The following GRIK2 variants were observed in gnomAD, a reference collection of about 807,000 sequenced individuals.
GRIK2 encodes the protein glutamate receptor ionotropic, kainate 2.
A neutral mutation model predicts 100.3 loss-of-function variants in GRIK2; 32 were observed. That is an observed-to-expected ratio of 0.32 (90% CI 0.24 to 0.43). The LOEUF (loss-of-function observed/expected upper bound fraction) is 0.43. GRIK2 is among the 20% of genes least tolerant of loss of function. The probability of loss-of-function intolerance (pLI) is 1.00; values close to 1 mark genes in which losing one functional copy is unlikely to be tolerated. For missense variants in GRIK2, 843 were observed against 1,114.9 expected (o/e 0.76, Z 3.47); for synonymous variants, 417 against 389.4 (o/e 1.07, Z -0.83).
At chr6:101,471,296 C>G (rs892320641) in intron 2 of GRIK2, among the ~76,000 whole-genome samples, 1 of 151,976 alleles carries the variant, frequency 6.6e-6, no homozygotes, top group Non-Finnish European at 1.5e-5. Context: ...AATACTAATA[C>G]TAATCCTAAA....
At chr6:101,806,323 C>CA (rs1047988609) in intron 9 of GRIK2, among the ~76,000 whole-genome samples, 2 of 152,020 alleles carry the variant, frequency 1.3e-5, no homozygotes, top group African/African-American at 4.8e-5. Context: ...ATTCTACTTT[C>CA]AAAATATGTT....
chr6:101,638,189 T>G (rs1274829639), intron 4 of GRIK2, among the ~76,000 whole-genome samples: 1 of 150,468 alleles, frequency 6.6e-6, no homozygotes, highest in African/African-American at 2.5e-5. Flanking sequence ...TTTGTTTGTT[T>G]TATTACTTTA....
chr6:102,004,523 A>G (rs1029792024), intron 14 of GRIK2, among the ~76,000 whole-genome samples: 1 of 151,872 alleles, frequency 6.6e-6, no homozygotes, highest in African/African-American at 2.4e-5. Flanking sequence ...CTATACCTCC[A>G]CTTAAGGCCT....
At chr6:101,835,175 A>T (rs1476531152) in intron 10 of GRIK2, among the ~76,000 whole-genome samples, 1 of 152,162 alleles carries the variant, frequency 6.6e-6, no homozygotes, top group African/African-American at 2.4e-5. Flanking sequence ...TTCAATTTTC[A>T]CATTTCCTCT....
intron 11 of GRIK2, among the ~76,000 whole-genome samples, chr6:101,870,524 A>G (rs1409655106): frequency 6.6e-6 from 1 of 151,876 alleles, no homozygotes; most frequent in Non-Finnish European, 1.5e-5. Context: ...TTTTCTTGGT[A>G]TCTTTCATAG....
At chr6:101,471,296 C>T (rs892320641) in intron 2 of GRIK2, among the ~76,000 whole-genome samples, 7 of 151,976 alleles carry the variant, frequency 4.6e-5, no homozygotes, top group African/African-American at 1.7e-4. Context: ...AATACTAATA[C>T]TAATCCTAAA....
At chr6:101,709,691 A>G (rs1008058064) in intron 7 of GRIK2, among the ~76,000 whole-genome samples, 1 of 151,830 alleles carries the variant, frequency 6.6e-6, no homozygotes, top group Non-Finnish European at 1.5e-5. Flanking sequence ...AAAGAAATAG[A>G]TAGGTGTCAT....
chr6:101,867,360 AT>A (rs1023333602), intron 11 of GRIK2, among the ~76,000 whole-genome samples: 2 of 122,270 alleles, frequency 1.6e-5, no homozygotes, highest in African/African-American at 3.3e-5. Context: ...AGTATATAAC[AT>A]TTTTTAAAAG....
At chr6:101,534,054 C>A (rs1001733967) in intron 2 of GRIK2, among the ~76,000 whole-genome samples, 1 of 151,546 alleles carries the variant, frequency 6.6e-6, no homozygotes, top group Non-Finnish European at 1.5e-5. Flanking sequence ...GCAAGCAGGC[C>A]AAGATAATAC....
intron 14 of GRIK2, among the ~76,000 whole-genome samples, chr6:101,975,411 C>T (rs1156559631): frequency 1.3e-5 from 2 of 151,824 alleles, no homozygotes; most frequent in Non-Finnish European, 2.9e-5. Context: ...ATTGAGAGAG[C>T]AGCCAAATAC....
At chr6:101,906,282 A>G (rs992248953) in intron 12 of GRIK2, among the ~76,000 whole-genome samples, 2 of 151,280 alleles carry the variant, frequency 1.3e-5, no homozygotes, top group African/African-American at 2.4e-5. Flanking sequence ...TTCATTTTTG[A>G]CCCAGGGAAT....
At chr6:101,912,437 C>G (rs1190351049) in intron 12 of GRIK2, among the ~76,000 whole-genome samples, 1 of 151,454 alleles carries the variant, frequency 6.6e-6, no homozygotes, top group African/African-American at 2.4e-5. Flanking sequence ...ACGTGCAGCT[C>G]CTTAATTCAT....
chr6:101,745,648 G>GA (rs541588909), intron 7 of GRIK2, among the ~76,000 whole-genome samples: 2 of 151,664 alleles, frequency 1.3e-5, no homozygotes, highest in Non-Finnish European at 2.9e-5. Flanking sequence ...TTAAAACTAA[G>GA]AAAAAAAATT....
chr6:101,868,687 A>G (rs1210021495), intron 11 of GRIK2, among the ~76,000 whole-genome samples: 2 of 152,016 alleles, frequency 1.3e-5, no homozygotes, highest in East Asian at 1.9e-4. Flanking sequence ...ATAGCATGAA[A>G]TGTATTAATG....
Position 101,599,544 on chromosome 6 carries a change from C to T in GRIK2, c.116-22405C>T, listed in dbSNP as rs572990962. On this transcript the variant is annotated intron_variant, in intron 2 of 16. Transcript: ENST00000369134. ...TTTATGTTCCCACCAACAATGTATA[C>T]ACGTTCCCCTTTCTCTGCAGCCTTG... is the stretch of plus-strand genomic sequence containing the variant. Among the ~76,000 whole-genome samples, 14 of 151,748 alleles carry T rather than the reference C, an allele frequency of 9.2e-5. No homozygotes were observed. The South Asian group carries it at 2.9e-3, about 31-fold the overall frequency.
chr6:101,790,334 G>C (rs541448928), intron 7 of GRIK2, among the ~76,000 whole-genome samples: 362 of 152,188 alleles, frequency 2.4e-3, no homozygotes, highest in African/African-American at 8.1e-3. Context: ...TATGATATTG[G>C]CTGTGGGTTT....
chr6:101,832,876 A>G (rs1182298304), intron 10 of GRIK2, among the ~76,000 whole-genome samples: 1 of 152,180 alleles, frequency 6.6e-6, no homozygotes, highest in South Asian at 2.1e-4. Flanking sequence ...CCTCATTACT[A>G]CTGTGAAATA....
At chr6:101,991,014 T>G (rs2852606) in intron 14 of GRIK2, among the ~76,000 whole-genome samples, 100,711 of 151,548 alleles carry the variant, frequency 0.66, 35,475 homozygotes, top group South Asian at 0.8. Context: ...TCTATAGATG[T>G]AAGATGCACA....
intron 14 of GRIK2, among the ~76,000 whole-genome samples, chr6:101,944,150 A>G (rs971637805): frequency 6.6e-6 from 1 of 152,124 alleles, no homozygotes; most frequent in Non-Finnish European, 1.5e-5. Flanking sequence ...GCTACCATGT[A>G]AGGCATGTCT....
Sources: gnomAD v4.1 joint callset for allele counts (sites outside exome capture counted in the v4.1 genomes callset) on GRCh38, gnomAD v4.1.1 for gene constraint, MANE v1.5 for transcripts, NCBI Gene and HGNC (gene_info 2026-07-23, HGNC 2026-07-21) for gene names.